DCAF12: variants seen among roughly 807,000 people sequenced by gnomAD.
DCAF12 encodes the protein DDB1- and CUL4-associated factor 12.
DCAF12 carries 28 observed loss-of-function variants against 52.8 expected under a neutral mutation model. That is an observed-to-expected ratio of 0.53 (90% CI 0.39 to 0.73). The LOEUF (loss-of-function observed/expected upper bound fraction) is 0.73. DCAF12 is among the 30% of genes least tolerant of loss of function. The pLI, the probability that DCAF12 is intolerant of heterozygous loss-of-function variation, is 0.00. For synonymous variants in DCAF12, 196 were observed against 215.5 expected (o/e 0.91, Z 0.79); for missense variants, 425 against 552.2 (o/e 0.77, Z 2.31).
At chr9:34,109,120 G>A (rs1020284463) in intron 2 of DCAF12, 1 of 151,872 alleles carries the variant, frequency 6.6e-6, no homozygotes, top group Admixed American at 6.6e-5. Flanking sequence ...CAGACTATGG[G>A]TGAATAAAAA....
At chr9:34,089,975 ACT>A (rs1828619304) in intron 7 of DCAF12, 1 of 166,648 alleles carries the variant, frequency 6.0e-6, no homozygotes, top group Non-Finnish European at 1.3e-5. Context: ...CTACACTGCA[ACT>A]CAAGGTAATC....
chr9:34,125,711 C>T (rs1014280630), intron 1 of DCAF12: 6 of 375,160 alleles, frequency 1.6e-5, no homozygotes, highest in Admixed American at 1.0e-4. Flanking sequence ...CCCAGGTCTT[C>T]CAGGGATGCA....
At chr9:34,099,020 T>C (rs541148920) in intron 4 of DCAF12, among the ~76,000 whole-genome samples, 2 of 151,402 alleles carry the variant, frequency 1.3e-5, no homozygotes, top group South Asian at 4.2e-4. Context: ...TCAGCCTGCC[T>C]TGGCCTCCCA....
At position 34,094,584 on chromosome 9, in the gene DCAF12, A is replaced by G. The variant is rs113347704; in HGVS notation, c.862-1136T>C. 3.8e-3 allele frequency among the ~76,000 whole-genome samples: 548 copies of G among 144,094 alleles called. 2 individuals are homozygous for G. The highest frequency in any genetic ancestry group is 6.0e-3 in the Non-Finnish European group (400 of 66,544). 94.5% of individuals were successfully genotyped at this position (144,094 alleles called of 152,430 possible). A position where few individuals can be genotyped will look rare whatever the true frequency, so the allele number is the denominator to read the frequency against. On this transcript the variant is annotated intron_variant, in intron 6 of 8. Coordinates refer to ENST00000361264, the MANE Select transcript of DCAF12 (RefSeq NM_015397.4). Reference sequence around the variant, plus strand: ...CTCGCACTGTCGCCCAGGCTGGAGTACAGTGGCGCGATCTCAGCTCACTGC... The same window carrying G: ...CTCGCACTGTCGCCCAGGCTGGAGTGCAGTGGCGCGATCTCAGCTCACTGC...
chr9:34,113,582 C>T (rs1476381393), intron 2 of DCAF12, among the ~76,000 whole-genome samples: 1 of 151,888 alleles, frequency 6.6e-6, no homozygotes, highest in Non-Finnish European at 1.5e-5. Context: ...TCAAGTGATC[C>T]GCTCATCTCA....
intron 2 of DCAF12, among the ~76,000 whole-genome samples, chr9:34,111,676 AC>A (rs1329616295): frequency 1.3e-5 from 2 of 152,158 alleles, no homozygotes; most frequent in Non-Finnish European, 2.9e-5. Context: ...CCCCCTGATC[AC>A]AGCACAGTCT....
chr9:34,110,089 A>G (rs1481338334), intron 2 of DCAF12: 1 of 151,710 alleles, frequency 6.6e-6, no homozygotes, highest in African/African-American at 2.4e-5. Context: ...AGGAGTAGCT[A>G]GAAGAGTGTC....
At position 34,126,648 on chromosome 9, in the gene DCAF12, A is replaced by G. The variant is rs760099412; in HGVS notation, c.-217T>C. On this transcript the variant is annotated 5_prime_UTR_variant, in exon 1 of 9. Coordinates refer to ENST00000361264, the MANE Select transcript of DCAF12 (RefSeq NM_015397.4). ...CCGGGAAAGGGAAGGGGAAGCGAGA[A>G]TGAGCGGCTTTCCGACGGCAGAGCC... 4 of 589,120 alleles carry G rather than the reference A, an allele frequency of 6.8e-6. No individual in the cohort carries two copies. The highest frequency in any genetic ancestry group is 1.2e-5 in the Non-Finnish European group (4 of 342,872). The allele number at this position is 589,120 out of a possible 1,614,324, so 36.5% of individuals were successfully genotyped here. A position where few individuals can be genotyped will look rare whatever the true frequency, so the allele number is the denominator to read the frequency against.
At chr9:34,116,935 T>C (rs920619759) in intron 2 of DCAF12, among the ~76,000 whole-genome samples, 17 of 152,238 alleles carry the variant, frequency 1.1e-4, no homozygotes, top group Non-Finnish European at 1.8e-4. Context: ...GCCGAGATCG[T>C]GCCCCTACAC....
At chr9:34,111,035 G>C (rs190999528) in intron 2 of DCAF12, among the ~76,000 whole-genome samples, 1 of 146,752 alleles carries the variant, frequency 6.8e-6, no homozygotes, top group African/African-American at 2.5e-5. Context: ...GCCCAGGCTG[G>C]AGTGCAGTGG....
intron 2 of DCAF12, among the ~76,000 whole-genome samples, chr9:34,117,234 G>A (rs1240100242): frequency 6.6e-6 from 1 of 150,908 alleles, no homozygotes; most frequent in Non-Finnish European, 1.5e-5. Flanking sequence ...ATATCTAGCA[G>A]TAAATTGATT....
intron 4 of DCAF12, among the ~76,000 whole-genome samples, chr9:34,103,252 G>A (rs1828858217): frequency 6.7e-6 from 1 of 148,956 alleles, no homozygotes. Context: ...CTACTAAAAA[G>A]ACAAACCAGC....
intron 2 of DCAF12, among the ~76,000 whole-genome samples, chr9:34,122,193 C>A (rs999159836): frequency 3.3e-5 from 5 of 152,124 alleles, no homozygotes; most frequent in Non-Finnish European, 5.9e-5. Flanking sequence ...CACCACCCCC[C>A]CAAAATCTTG....
At chr9:34,097,507 C>T (rs565065249) in intron 5 of DCAF12, among the ~76,000 whole-genome samples, 4 of 152,098 alleles carry the variant, frequency 2.6e-5, no homozygotes, top group South Asian at 2.1e-4. Context: ...CTGCCTGCCT[C>T]GGCCTCCGAA....
At chr9:34,109,573 G>T (rs1319441047) in intron 2 of DCAF12, 1 of 153,390 alleles carries the variant, frequency 6.5e-6, no homozygotes, top group African/African-American at 2.4e-5. Context: ...CAGCCACAGA[G>T]GGGGGTCCCA....
chr9:34,101,537 C>A (rs1031750449), intron 4 of DCAF12, among the ~76,000 whole-genome samples: 1 of 151,888 alleles, frequency 6.6e-6, no homozygotes, highest in African/African-American at 2.4e-5. Context: ...GGATTACAGG[C>A]ATGTGCCACC....
At chr9:34,115,766 G>A (rs974996719) in intron 2 of DCAF12, among the ~76,000 whole-genome samples, 2 of 151,960 alleles carry the variant, frequency 1.3e-5, no homozygotes, top group African/African-American at 2.4e-5. Context: ...TATAGAGACA[G>A]GGTGCCACTT....
chr9:34,098,459 A>G lies in DCAF12; in HGVS notation c.660T>C (p.Ser220=). 1.2e-6 allele frequency: 2 copies of G among 1,614,080 alleles called. No individual in the cohort carries two copies. The highest frequency in any genetic ancestry group is 1.7e-6 in the Non-Finnish European group (2 of 1,180,016). The change falls in exon 5 of 9, where the codon AGT becomes AGC. Residue 220 remains serine (S), a synonymous_variant. Coordinates refer to ENST00000361264, the MANE Select transcript of DCAF12 (RefSeq NM_015397.4). Reference sequence around the variant, plus strand: ...CCCGTGACACATTGTGTCTCGCATCACTTTTGGTCAAAACATCATCTGTCA... The same window carrying G: ...CCCGTGACACATTGTGTCTCGCATCGCTTTTGGTCAAAACATCATCTGTCA... ...WEVTDDVLTK[S]DARHNVSRVP... is the part of the protein sequence containing the mutation.
At chr9:34,111,980 C>CA (rs542223380) in intron 2 of DCAF12, among the ~76,000 whole-genome samples, 22,348 of 140,786 alleles carry the variant, frequency 0.16, 1,776 homozygotes, top group South Asian at 0.32. Context: ...ACTAAAAATA[C>CA]AAAAAAAAAA....
Sources: allele counts gnomAD v4.1 joint callset (sites outside exome capture counted in the v4.1 genomes callset), GRCh38; gene constraint gnomAD v4.1.1; transcripts MANE v1.5; gene names NCBI Gene and HGNC (gene_info 2026-07-23, HGNC 2026-07-21).